The following POLR3G variants were observed in gnomAD, a reference collection of about 807,000 sequenced individuals.
POLR3G encodes the protein DNA-directed RNA polymerase III subunit RPC7.
In POLR3G, 28 loss-of-function variants were observed where a neutral mutation model predicts 30.1. The ratio of observed to expected loss-of-function variants is 0.93; its 90% CI spans 0.69 to 1.27. POLR3G has a LOEUF of 1.27. Ranked by LOEUF, POLR3G falls within the 50% of genes most tolerant of loss-of-function variation. The probability of loss-of-function intolerance (pLI) is 0.00; values close to 1 mark genes in which losing one functional copy is unlikely to be tolerated. For synonymous variants in POLR3G, 79 were observed against 82.5 expected (o/e 0.96, Z 0.23); for missense variants, 254 against 264.6 (o/e 0.96, Z 0.28).
chr5:90,489,765 C>G (rs1005204201), intron 3 of POLR3G, among the ~76,000 whole-genome samples: 1 of 152,038 alleles, frequency 6.6e-6, no homozygotes, highest in Non-Finnish European at 1.5e-5. Flanking sequence ...GACACAGATG[C>G]ACTTAGGTGA....
intron 1 of POLR3G, among the ~76,000 whole-genome samples, chr5:90,475,591 C>T (rs570795507): frequency 1.5e-4 from 23 of 151,952 alleles, no homozygotes; most frequent in African/African-American, 5.3e-4. Context: ...CTGGTGAGGA[C>T]GGGAAAAGTG....
At chr5:90,474,742 G>C (rs1053842259), upstream of POLR3G, 2 of 191,524 alleles carry the variant, frequency 1.0e-5, no homozygotes, top group Non-Finnish European at 2.1e-5. Context: ...CCCAGCTGGC[G>C]CAGAAAGTGT....
intron 6 of POLR3G, among the ~76,000 whole-genome samples, chr5:90,506,110 T>C (rs1752472872): frequency 6.6e-6 from 1 of 151,960 alleles, no homozygotes; most frequent in Non-Finnish European, 1.5e-5. Context: ...GCACCTGTAG[T>C]CCCAGCTACG....
intron 1 of POLR3G, among the ~76,000 whole-genome samples, chr5:90,476,744 A>G (rs1235298881): frequency 1.3e-5 from 2 of 152,292 alleles, no homozygotes; most frequent in South Asian, 2.1e-4. Flanking sequence ...CCTGCATCCC[A>G]CATCTCACTG....
At chr5:90,484,110 C>A (rs1036780312) in intron 1 of POLR3G, among the ~76,000 whole-genome samples, 29 of 152,192 alleles carry the variant, frequency 1.9e-4, no homozygotes, top group Admixed American at 1.7e-3. Context: ...CCAATCCTCA[C>A]CCCAAGAGAT....
At chr5:90,490,274 GTTTTT>G (rs67906055) in intron 3 of POLR3G, among the ~76,000 whole-genome samples, 3 of 131,560 alleles carry the variant, frequency 2.3e-5, no homozygotes, top group African/African-American at 8.4e-5. Flanking sequence ...AAATATAAGG[GTTTTT>G]TTTTTTTTTT....
intron 7 of POLR3G, among the ~76,000 whole-genome samples, chr5:90,509,803 G>C (rs1029958460): frequency 6.6e-6 from 1 of 152,152 alleles, no homozygotes; most frequent in Admixed American, 6.5e-5. Context: ...AAGCTGGAGA[G>C]ATGAGCAGGT....
chr5:90,508,585 TC>T (rs1489094421), intron 7 of POLR3G, among the ~76,000 whole-genome samples: 1 of 140,144 alleles, frequency 7.1e-6, no homozygotes, highest in Admixed American at 7.5e-5. Context: ...CCCCTCCCCC[TC>T]CCCCACCATT....
intron 3 of POLR3G, among the ~76,000 whole-genome samples, chr5:90,492,242 TC>T (rs1423275234): frequency 3.9e-5 from 6 of 152,178 alleles, no homozygotes; most frequent in Admixed American, 3.9e-4. Flanking sequence ...ACACTGTATC[TC>T]CAAGAATTAA....
intron 3 of POLR3G, among the ~76,000 whole-genome samples, chr5:90,489,767 C>G (rs1435482056): frequency 6.6e-6 from 1 of 151,994 alleles, no homozygotes; most frequent in Non-Finnish European, 1.5e-5. Flanking sequence ...CACAGATGCA[C>G]TTAGGTGAAT....
intron 3 of POLR3G, 109 bp from the exon 4 acceptor site, chr5:90,495,568 T>G: frequency 6.8e-7 from 1 of 1,467,596 alleles, no homozygotes; most frequent in Non-Finnish European, 9.0e-7. Context: ...ACTCCCTGTA[T>G]GTAAAATTAA....
rs1214551588 is a variant in POLR3G, at chr5:90,502,008, A to G, written c.438+20A>G. The G allele has an allele frequency of 3.1e-6, 5 of 1,606,390 alleles. No individual in the cohort carries two copies. Among genetic ancestry groups the G allele is most frequent in the East Asian group, 2.3e-5 (1 of 44,052 alleles). ...ATGGAGGTAAGGTTTTCTTCTTACTATACAAGTGAACTGAAAAAATGTAAA... is the reference window on the plus strand; with the variant it reads ...ATGGAGGTAAGGTTTTCTTCTTACTGTACAAGTGAACTGAAAAAATGTAAA... On this transcript the variant is annotated intron_variant, in intron 6 of 7. Transcript: ENST00000651687.
intron 3 of POLR3G, 103 bp downstream of exon 3, chr5:90,488,232 T>TA: frequency 3.9e-6 from 4 of 1,038,552 alleles, no homozygotes; most frequent in Admixed American, 3.2e-5. Flanking sequence ...TTCGATTCAA[T>TA]AAAAAATTAT....
In POLR3G at chr5:90,497,894, C is replaced by G. The variant is rs558240797; in HGVS notation, c.355+188C>G. Among the ~76,000 whole-genome samples the G allele has an allele frequency of 3.7e-4, 57 of 152,202 alleles. 1 individual carries two copies. Among genetic ancestry groups the G allele is most frequent in the African/African-American group, 1.3e-3 (56 of 41,546 alleles). ...GCTGAGGTGGGAGGATCACTTGAGC[C>G]CAGGAGTTTGAGACCAGCCTGGGCA... On this transcript the variant is annotated intron_variant, in intron 5 of 7. Transcript: ENST00000651687.
intron 1 of POLR3G, among the ~76,000 whole-genome samples, chr5:90,478,238 A>G (rs1750936259): frequency 1.3e-5 from 2 of 152,132 alleles, no homozygotes; most frequent in South Asian, 4.1e-4. Flanking sequence ...AACTACACCC[A>G]TTTTCAAACC....
At chr5:90,473,989 G>A (rs758024413), upstream of POLR3G, 1 of 1,598,924 alleles carries the variant, frequency 6.3e-7, no homozygotes, top group Non-Finnish European at 8.5e-7. Flanking sequence ...GCCTCGGCGT[G>A]GTGCACTGCC....
intron 1 of POLR3G, 127 bp from the exon 2 acceptor site, chr5:90,485,398 G>A (rs2562518): frequency 0.73 from 416,642 of 571,300 alleles, 153,324 homozygotes; most frequent in Admixed American, 0.77. Flanking sequence ...GTTTATTTGT[G>A]TACATGTTTT....
At chr5:90,481,055 A>C (rs1286109363) in intron 1 of POLR3G, among the ~76,000 whole-genome samples, 1 of 152,226 alleles carries the variant, frequency 6.6e-6, no homozygotes, top group African/African-American at 2.4e-5. Context: ...GATAAGAGAA[A>C]TTGATCCCTG....
At position 90,489,351 on chromosome 5, in the gene POLR3G, C is replaced by T. The variant is rs557225061; in HGVS notation, c.247+1222C>T. Among the ~76,000 whole-genome samples, 8 of 151,640 alleles carry T rather than the reference C, an allele frequency of 5.3e-5. No homozygotes were observed. The East Asian group carries it at 5.8e-4, about 11-fold the overall frequency. On this transcript the variant is annotated intron_variant, in intron 3 of 7. Coordinates refer to ENST00000651687, the MANE Select transcript of POLR3G (RefSeq NM_006467.3). ...TACAATCTCGGCTCACTGCAACCTCCGCTTCCTGGGTTCAAGTGATTCTCA... is the reference window on the plus strand; with the variant it reads ...TACAATCTCGGCTCACTGCAACCTCTGCTTCCTGGGTTCAAGTGATTCTCA...
Sources: allele counts gnomAD v4.1 joint callset (sites outside exome capture counted in the v4.1 genomes callset), GRCh38; gene constraint gnomAD v4.1.1; transcripts MANE v1.5; gene names NCBI Gene and HGNC (gene_info 2026-07-23, HGNC 2026-07-21).